PLEKHA5: variants seen among roughly 807,000 people sequenced by gnomAD.
The protein encoded by PLEKHA5 is pleckstrin homology domain containing A5.
A neutral mutation model predicts 181.9 loss-of-function variants in PLEKHA5; 55 were observed. The observed-to-expected ratio is 0.30, with a 90% confidence interval of 0.24 to 0.38. The LOEUF (loss-of-function observed/expected upper bound fraction) is 0.38. PLEKHA5 is among the 10% of genes least tolerant of loss of function. PLEKHA5 has a pLI of 1.00. For synonymous variants in PLEKHA5, 535 were observed against 529.4 expected (o/e 1.01, Z -0.15); for missense variants, 1,432 against 1,549.5 (o/e 0.92, Z 1.27).
intron 28 of PLEKHA5, among the ~76,000 whole-genome samples, chr12:19,361,056 G>T (rs1283526979): frequency 6.6e-6 from 1 of 150,942 alleles, no homozygotes; most frequent in East Asian, 2.0e-4. Flanking sequence ...TGCCCGGCCT[G>T]CATCATCTCT....
intron 3 of PLEKHA5, among the ~76,000 whole-genome samples, chr12:19,229,614 T>G (rs1211777505): frequency 6.6e-6 from 1 of 152,156 alleles, no homozygotes; most frequent in African/African-American, 2.4e-5. Context: ...ATAGAGGCAG[T>G]GCGGACCCAA....
intron 3 of PLEKHA5, among the ~76,000 whole-genome samples, chr12:19,218,560 T>A (rs1014876754): frequency 3.9e-5 from 6 of 152,182 alleles, no homozygotes; most frequent in African/African-American, 1.4e-4. Context: ...TAGTCTGTAT[T>A]TATAAATTCA....
chr12:19,194,100 T>C (rs557958825), intron 3 of PLEKHA5, among the ~76,000 whole-genome samples: 1 of 152,210 alleles, frequency 6.6e-6, no homozygotes, highest in African/African-American at 2.4e-5. Context: ...GCAGAACAAA[T>C]ATCCAAATCA....
intron 3 of PLEKHA5, among the ~76,000 whole-genome samples, chr12:19,160,939 T>C (rs527710386): frequency 1.1e-4 from 16 of 152,262 alleles, no homozygotes; most frequent in African/African-American, 3.4e-4. Flanking sequence ...GTATTAGTAA[T>C]AGTAAAAGCG....
intron 3 of PLEKHA5, chr12:19,149,643 C>T (rs1468697876): frequency 1.3e-5 from 2 of 152,226 alleles, no homozygotes; most frequent in African/African-American, 4.8e-5. Flanking sequence ...GTGGGGCCTG[C>T]TCTTATCTGA....
At chr12:19,337,646 C>T (rs766633373) in intron 21 of PLEKHA5, among the ~76,000 whole-genome samples, 1 of 151,428 alleles carries the variant, frequency 6.6e-6, no homozygotes. Flanking sequence ...ATAAAAGTTA[C>T]GTCACGCTTA....
chr12:19,243,844 A>C (rs981712071), intron 3 of PLEKHA5, among the ~76,000 whole-genome samples: 3 of 152,222 alleles, frequency 2.0e-5, no homozygotes, highest in Non-Finnish European at 4.4e-5. Flanking sequence ...TCAAGAATTC[A>C]GTTTCAAGAA....
chr12:19,154,402 G>T (rs1222398155), intron 3 of PLEKHA5: 3 of 151,548 alleles, frequency 2.0e-5, no homozygotes, highest in Admixed American at 2.0e-4. Flanking sequence ...TTTCTTGTTG[G>T]TTATTTAAAA....
chr12:19,306,092 G>T (rs894374436), intron 15 of PLEKHA5, among the ~76,000 whole-genome samples: 2 of 151,744 alleles, frequency 1.3e-5, no homozygotes, highest in Admixed American at 1.3e-4. Context: ...AAAAAAACAA[G>T]TTATTCGTAT....
At chr12:19,144,375 C>T (rs986243137) in intron 3 of PLEKHA5, among the ~76,000 whole-genome samples, 7 of 152,186 alleles carry the variant, frequency 4.6e-5, no homozygotes, top group African/African-American at 1.4e-4. Context: ...CAGCGTCTCT[C>T]CTCGTGGCCT....
At chr12:19,296,272 C>T (rs1040594716) in intron 15 of PLEKHA5, among the ~76,000 whole-genome samples, 2 of 151,352 alleles carry the variant, frequency 1.3e-5, no homozygotes, top group East Asian at 1.9e-4. Flanking sequence ...TGTGGCCAGG[C>T]ACTGTGGCTC....
intron 10 of PLEKHA5, among the ~76,000 whole-genome samples, chr12:19,271,470 C>T (rs1172447168): frequency 2.0e-5 from 3 of 152,018 alleles, no homozygotes; most frequent in Non-Finnish European, 4.4e-5. Context: ...TGCCACTGCA[C>T]TCCAGCCTAG....
At chr12:19,248,251 G>T (rs938393695) in intron 3 of PLEKHA5, among the ~76,000 whole-genome samples, 2 of 152,172 alleles carry the variant, frequency 1.3e-5, no homozygotes, top group African/African-American at 4.8e-5. Context: ...AGACTTTAGT[G>T]CATTGGCACT....
chr12:19,230,813 G>A (rs1399249881), intron 3 of PLEKHA5, among the ~76,000 whole-genome samples: 5 of 152,292 alleles, frequency 3.3e-5, no homozygotes, highest in African/African-American at 9.6e-5. Context: ...ACAGTGCAGT[G>A]GCAAGCTGAT....
At chr12:19,300,650 G>T (rs1049621090) in intron 15 of PLEKHA5, among the ~76,000 whole-genome samples, 3 of 152,062 alleles carry the variant, frequency 2.0e-5, no homozygotes, top group African/African-American at 7.2e-5. Context: ...AAGGAAATGA[G>T]GTTGAGTATA....
At position 19,287,570 on chromosome 12, in the gene PLEKHA5, T is replaced by A; in HGVS notation, c.1863+14T>A. 7.4e-7 allele frequency: 1 copy of A among 1,346,176 alleles called. No individual in the cohort carries two copies. The highest frequency in any genetic ancestry group is 1.1e-6 in the Non-Finnish European group (1 of 942,702). The allele number at this position is 1,346,176 out of a possible 1,614,324, so 83.4% of individuals were successfully genotyped here. On this transcript the variant is annotated intron_variant, in intron 13 of 31. Coordinates refer to ENST00000429027, the MANE Select transcript of PLEKHA5 (RefSeq NM_001256470.2). Reference sequence around the variant, plus strand: ...CAAGGGAAAACGGTGAGTAATATCTTTATTTACCATACCATGTTTTATTTA... The same window carrying A: ...CAAGGGAAAACGGTGAGTAATATCTATATTTACCATACCATGTTTTATTTA...
intron 24 of PLEKHA5, among the ~76,000 whole-genome samples, chr12:19,348,002 C>G (rs888159777): frequency 3.3e-5 from 5 of 151,604 alleles, no homozygotes; most frequent in African/African-American, 1.2e-4. Flanking sequence ...CCTGCCTCAG[C>G]CTTCTGAATG....
At position 19,366,038 on chromosome 12, in the gene PLEKHA5, A is replaced by G. The variant is rs2095413963; in HGVS notation, c.3683A>G (p.Asp1228Gly). Reference protein sequence around the residue: ...HPEENTKNSVDEQEETVISYE... With the variant: ...HPEENTKNSVGEQEETVISYE... ...GAAGAAAATACAAAGAACAGTGTTG[A>G]CGAACAGGAAGAAACTGTTATTTCT... is the stretch of plus-strand genomic sequence containing the variant. The change falls in exon 30 of 32, where the codon GAC becomes GGC. Residue 1228 changes from aspartate (D) to glycine (G), a missense_variant. By Grantham distance (94) the Asp-to-Gly change is moderately conservative. Transcript: ENST00000429027. The G allele has an allele frequency of 1.9e-6, 3 of 1,611,392 alleles. No individual in the cohort carries two copies. Among genetic ancestry groups the G allele is most frequent in the Non-Finnish European group, 2.5e-6 (3 of 1,178,132 alleles).
chr12:19,354,143 CTTTTTTTTT>C (rs750923063), intron 26 of PLEKHA5, 141 bp downstream of exon 26: 63 of 74,870 alleles, frequency 8.4e-4, no homozygotes, highest in South Asian at 2.1e-3. Flanking sequence ...ATTCTTTATT[CTTTTTTTTT>C]TTTTTTTTTT....
Sources: allele counts gnomAD v4.1 joint callset (sites outside exome capture counted in the v4.1 genomes callset), GRCh38; gene constraint gnomAD v4.1.1; transcripts MANE v1.5; gene names NCBI Gene and HGNC (gene_info 2026-07-23, HGNC 2026-07-21).